TOX2: variants seen among roughly 807,000 people sequenced by gnomAD.
TOX2 encodes granulosa cell HMG box 1.
A neutral mutation model predicts 47.4 loss-of-function variants in TOX2; 15 were observed. That is an observed-to-expected ratio of 0.32 (90% CI 0.21 to 0.49). The LOEUF is 0.49. Among genes scored for constraint, TOX2 ranks in the 20% least tolerant of loss-of-function variants. TOX2 has a pLI of 0.99. For synonymous variants in TOX2, 290 were observed against 296.6 expected (o/e 0.98, Z 0.23); for missense variants, 622 against 673.1 (o/e 0.92, Z 0.84).
Position 44,069,031 on chromosome 20 carries a change from G to A in TOX2, c.*345G>A, listed in dbSNP as rs770027239. 2.3e-6 allele frequency: 1 copy of A among 439,230 alleles called. No individual in the cohort carries two copies. The highest frequency in any genetic ancestry group is 5.2e-5 in the East Asian group (1 of 19,060). 27.2% of individuals were successfully genotyped at this position (439,230 alleles called of 1,614,324 possible). A position where few individuals can be genotyped will look rare whatever the true frequency, so the allele number is the denominator to read the frequency against. ...GCCCAGGTGGGCCGCCCCTGGCGGG[G>A]TCGCTTACCAACGGACACCCACCCC... On this transcript the variant is annotated 3_prime_UTR_variant, in exon 9 of 9. Transcript: ENST00000341197.
chr20:43,984,206 A>G (rs1569062786), intron 2 of TOX2, among the ~76,000 whole-genome samples: 1 of 152,246 alleles, frequency 6.6e-6, no homozygotes, highest in Non-Finnish European at 1.5e-5. Flanking sequence ...CACACTTTAA[A>G]AATAATTATG....
At chr20:44,038,423 AG>A (rs1205405223) in intron 3 of TOX2, among the ~76,000 whole-genome samples, 1 of 152,128 alleles carries the variant, frequency 6.6e-6, no homozygotes, top group Non-Finnish European at 1.5e-5. Context: ...CTCAAACTGA[AG>A]CAGGGACTTA....
intron 2 of TOX2, among the ~76,000 whole-genome samples, chr20:44,002,770 G>A (rs909921450): frequency 3.9e-5 from 6 of 152,148 alleles, no homozygotes; most frequent in Admixed American, 2.6e-4. Context: ...GAATGAGAGA[G>A]AGAGAGGGGA....
chr20:43,939,709 G>C (rs974183425), intron 1 of TOX2, among the ~76,000 whole-genome samples: 1 of 152,134 alleles, frequency 6.6e-6, no homozygotes, highest in African/African-American at 2.4e-5. Context: ...GGCCTCAAGA[G>C]CTTACTTAAC....
chr20:44,056,299 A>G (rs1039929848), intron 5 of TOX2, among the ~76,000 whole-genome samples: 2 of 152,240 alleles, frequency 1.3e-5, no homozygotes, highest in African/African-American at 2.4e-5. Flanking sequence ...TTTGTAGGAC[A>G]GGGGTAAGGA....
At chr20:43,950,426 A>G (rs971389459) in intron 1 of TOX2, among the ~76,000 whole-genome samples, 3 of 152,070 alleles carry the variant, frequency 2.0e-5, no homozygotes, top group Admixed American at 6.5e-5. Context: ...GGGAGGGGTA[A>G]TCTCAGTGCC....
intron 1 of TOX2, among the ~76,000 whole-genome samples, chr20:43,918,997 G>A (rs2069085997): frequency 6.6e-6 from 1 of 152,184 alleles, no homozygotes; most frequent in Admixed American, 6.5e-5. Flanking sequence ...ATTCCAGGAA[G>A]AGGCTTAGCA....
intron 1 of TOX2, among the ~76,000 whole-genome samples, chr20:43,925,446 G>A (rs984191668): frequency 3.3e-5 from 5 of 152,186 alleles, no homozygotes; most frequent in African/African-American, 1.2e-4. Context: ...TAGGCCAGCA[G>A]TTACCCCCAG....
chr20:43,957,567 C>CTTTTT (rs35133028), intron 1 of TOX2, among the ~76,000 whole-genome samples: 1 of 105,786 alleles, frequency 9.5e-6, no homozygotes, highest in African/African-American at 3.3e-5. Flanking sequence ...TAAATGCCCT[C>CTTTTT]TTTTTTTTTT....
chr20:43,985,733 G>A (rs2070252207), intron 2 of TOX2, among the ~76,000 whole-genome samples: 1 of 152,168 alleles, frequency 6.6e-6, no homozygotes, highest in South Asian at 2.1e-4. Flanking sequence ...AAGCCCTGGG[G>A]TCAGGCCAGT....
chr20:43,983,177 G>A (rs1000129791), intron 2 of TOX2, among the ~76,000 whole-genome samples: 3 of 152,096 alleles, frequency 2.0e-5, no homozygotes, highest in East Asian at 1.9e-4. Context: ...CCAGCAGAAC[G>A]TGTGCTGGAG....
chr20:43,975,538 G>A (rs1013812767), intron 2 of TOX2, among the ~76,000 whole-genome samples: 5 of 152,158 alleles, frequency 3.3e-5, no homozygotes, highest in African/African-American at 1.2e-4. Context: ...ATTCAAACTT[G>A]TGAAGCTCAG....
At chr20:44,004,247 G>T (rs74386576) in intron 2 of TOX2, among the ~76,000 whole-genome samples, 1 of 152,300 alleles carries the variant, frequency 6.6e-6, no homozygotes, top group Non-Finnish European at 1.5e-5. Context: ...GCATCGAGAG[G>T]CTCCGCCCTG....
At chr20:44,058,968 GTTAT>G (rs34458310) in intron 5 of TOX2, among the ~76,000 whole-genome samples, 19,320 of 152,100 alleles carry the variant, frequency 0.13, 1,231 homozygotes, top group East Asian at 0.14. Flanking sequence ...ACAAAACGAG[GTTAT>G]TTAACACCCC....
At chr20:43,917,842 A>G (rs2069074822) in intron 1 of TOX2, among the ~76,000 whole-genome samples, 1 of 152,204 alleles carries the variant, frequency 6.6e-6, no homozygotes, top group African/African-American at 2.4e-5. Flanking sequence ...AGGTATGAAG[A>G]AGACTCATTA....
rs145983929 is a variant in TOX2, at chr20:44,005,874, G to A, written c.166-673G>A. ...CTCTTTAAGATAAGGAAAAAGGCCCGGATGTCTGTTCTCACCATTTCTATT... is the reference window on the plus strand; with the variant it reads ...CTCTTTAAGATAAGGAAAAAGGCCCAGATGTCTGTTCTCACCATTTCTATT... On this transcript the variant is annotated intron_variant, in intron 2 of 8. Transcript: ENST00000341197. 6.8e-3 allele frequency among the ~76,000 whole-genome samples: 1,039 copies of A among 152,192 alleles called. 4 individuals are homozygous for A. The highest frequency in any genetic ancestry group is 0.058 in the Middle Eastern group (17 of 294).
intron 1 of TOX2, among the ~76,000 whole-genome samples, chr20:43,959,446 G>A (rs114699471): frequency 1.7e-3 from 255 of 152,344 alleles, no homozygotes; most frequent in African/African-American, 5.7e-3. Flanking sequence ...TCTGTGTTAG[G>A]TTTGGGGTTA....
At chr20:43,947,162 C>T (rs2069488224) in intron 1 of TOX2, among the ~76,000 whole-genome samples, 1 of 152,202 alleles carries the variant, frequency 6.6e-6, no homozygotes, top group African/African-American at 2.4e-5. Context: ...CTACTGTATA[C>T]TGGGGTCTGG....
chr20:44,027,927 GCCCACC>G (rs2071090616), intron 3 of TOX2, among the ~76,000 whole-genome samples: 1 of 152,172 alleles, frequency 6.6e-6, no homozygotes, highest in Non-Finnish European at 1.5e-5. Context: ...AGAGCTCCCA[GCCCACC>G]TGGCTCATTC....
Sources: gnomAD v4.1 joint callset for allele counts (sites outside exome capture counted in the v4.1 genomes callset) on GRCh38, gnomAD v4.1.1 for gene constraint, MANE v1.5 for transcripts, NCBI Gene and HGNC (gene_info 2026-07-23, HGNC 2026-07-21) for gene names.